Variants in KCNMA1 observed in about 807,000 individuals in gnomAD.
KCNMA1 encodes potassium calcium-activated channel subfamily M alpha 1.
In KCNMA1, 29 loss-of-function variants were observed where a neutral mutation model predicts 140.0. The observed-to-expected ratio is 0.21, with a 90% confidence interval of 0.15 to 0.28. The LOEUF (loss-of-function observed/expected upper bound fraction) is 0.28, where lower values mean the gene tolerates loss of function less well. Ranked by LOEUF, KCNMA1 falls within the 10% of genes least tolerant of loss-of-function variation. The pLI is 1.00. For synonymous variants in KCNMA1, 612 were observed against 611.9 expected (o/e 1.00, Z 0.00); for missense variants, 880 against 1,602.2 (o/e 0.55, Z 7.70).
chr10:77,627,059 G>A (rs1305879006), intron 1 of KCNMA1, among the ~76,000 whole-genome samples: 2 of 152,108 alleles, frequency 1.3e-5, no homozygotes, highest in East Asian at 3.9e-4. Context: ...CAGCAAAATA[G>A]GGGAGATGAC....
chr10:76,987,982 A>G (rs1304544369), intron 19 of KCNMA1, among the ~76,000 whole-genome samples: 1 of 152,214 alleles, frequency 6.6e-6, no homozygotes, highest in East Asian at 1.9e-4. Context: ...GTTGAAGGGC[A>G]ACAATGGCAG....
chr10:77,618,837 C>T (rs189142819), intron 1 of KCNMA1, among the ~76,000 whole-genome samples: 208 of 152,216 alleles, frequency 1.4e-3, no homozygotes, highest in Admixed American at 3.8e-3. Context: ...TCTAGAAATC[C>T]CGTTGTTAAT....
intron 1 of KCNMA1, among the ~76,000 whole-genome samples, chr10:77,597,417 C>T (rs1281293183): frequency 1.3e-5 from 2 of 152,070 alleles, no homozygotes; most frequent in Admixed American, 1.3e-4. Flanking sequence ...GTGATGGATA[C>T]CCCAAATTCC....
rs540392488 is a variant in KCNMA1, at chr10:77,133,213, G to GA, written c.809-12166dup. On this transcript the variant is annotated intron_variant, in intron 5 of 27. Transcript: ENST00000286628. ...AAAACTTCAGCCCATCCAATGAAAAGAAAAAAAAAATAAAAGGTATATTAA... is the reference window on the plus strand; with the variant it reads ...AAAACTTCAGCCCATCCAATGAAAAGAAAAAAAAAAATAAAAGGTATATTAA... Among the ~76,000 whole-genome samples the GA allele has an allele frequency of 7.9e-3, 1,108 of 139,824 alleles. 11 individuals carry two copies. Among genetic ancestry groups the GA allele is most frequent in the African/African-American group, 0.026 (1,012 of 38,256 alleles). 91.7% of individuals were successfully genotyped at this position (139,824 alleles called of 152,430 possible).
At chr10:77,244,811 A>AG (rs5786272) in intron 3 of KCNMA1, among the ~76,000 whole-genome samples, 132,368 of 152,174 alleles carry the variant, frequency 0.87, 57,913 homozygotes, top group East Asian at 0.98. Flanking sequence ...AAGGGAGACA[A>AG]GACTTCCCAT....
chr10:77,103,126 C>A (rs2097134318), intron 9 of KCNMA1, among the ~76,000 whole-genome samples: 1 of 152,198 alleles, frequency 6.6e-6, no homozygotes, highest in Non-Finnish European at 1.5e-5. Context: ...TCAATTATTT[C>A]TTCTAAAGTA....
chr10:77,117,008 AC>A (rs1471861142), intron 6 of KCNMA1, among the ~76,000 whole-genome samples: 1 of 152,118 alleles, frequency 6.6e-6, no homozygotes, highest in Non-Finnish European at 1.5e-5. Context: ...TTCTTTACAA[AC>A]TTTATCTTGG....
At position 77,050,183 on chromosome 10, in the gene KCNMA1, C is replaced by A. The variant is rs1044738532; in HGVS notation, c.1750-10546G>T. Reference sequence around the variant, plus strand: ...AAAGTAAAGTCAAACAACAATTCAACAGGAAGTAGACTGAGCCCAGGGAAG... The same window carrying A: ...AAAGTAAAGTCAAACAACAATTCAAAAGGAAGTAGACTGAGCCCAGGGAAG... On this transcript the variant is annotated intron_variant, in intron 14 of 27. Coordinates refer to ENST00000286628, the MANE Select transcript of KCNMA1 (RefSeq NM_001161352.2). Among the ~76,000 whole-genome samples the A allele has an allele frequency of 4.6e-5, 7 of 151,502 alleles. No individual in the cohort carries two copies. In the East Asian group the frequency reaches 1.2e-3, roughly 25 times the overall value.
intron 5 of KCNMA1, among the ~76,000 whole-genome samples, chr10:77,138,282 T>G (rs1177895082): frequency 6.6e-6 from 1 of 152,168 alleles, no homozygotes; most frequent in African/African-American, 2.4e-5. Context: ...TTGAATTTTT[T>G]AAGAGACAGT....
At chr10:77,459,362 C>T (rs952432596) in intron 1 of KCNMA1, among the ~76,000 whole-genome samples, 4 of 152,226 alleles carry the variant, frequency 2.6e-5, no homozygotes, top group African/African-American at 7.2e-5. Flanking sequence ...CAGAGAGAGA[C>T]ACAATCCAGG....
intron 2 of KCNMA1, among the ~76,000 whole-genome samples, chr10:77,354,205 C>T (rs1322991039): frequency 6.6e-6 from 1 of 152,120 alleles, no homozygotes; most frequent in Non-Finnish European, 1.5e-5. Flanking sequence ...CATGATGGCA[C>T]GATGGTCTCG....
At chr10:77,051,623 G>T (rs760638881) in intron 14 of KCNMA1, among the ~76,000 whole-genome samples, 7 of 152,186 alleles carry the variant, frequency 4.6e-5, no homozygotes, top group Admixed American at 3.3e-4. Flanking sequence ...GAGGTATTTA[G>T]CTGGGCTTAG....
intron 3 of KCNMA1, among the ~76,000 whole-genome samples, chr10:77,224,067 C>G (rs186466097): frequency 6.6e-6 from 1 of 152,208 alleles, no homozygotes; most frequent in Non-Finnish European, 1.5e-5. Flanking sequence ...CCATTCTCAA[C>G]TGCTGCTTCT....
chr10:77,296,923 T>TG (rs2075318237), intron 2 of KCNMA1, among the ~76,000 whole-genome samples: 1 of 110,024 alleles, frequency 9.1e-6, no homozygotes, highest in Admixed American at 9.8e-5. Flanking sequence ...GGGGGGGCGG[T>TG]GGGGGAATGT....
intron 1 of KCNMA1, among the ~76,000 whole-genome samples, chr10:77,559,807 T>A (rs1206302449): frequency 6.6e-6 from 1 of 152,204 alleles, no homozygotes; most frequent in Non-Finnish European, 1.5e-5. Context: ...CACTGTTCTC[T>A]ATATTCCTGG....
chr10:76,945,253 G>A (rs1441549258), intron 22 of KCNMA1, among the ~76,000 whole-genome samples: 2 of 152,272 alleles, frequency 1.3e-5, no homozygotes, highest in Non-Finnish European at 2.9e-5. Flanking sequence ...TAACAAACGC[G>A]GGAGAGGAAT....
intron 2 of KCNMA1, among the ~76,000 whole-genome samples, chr10:77,334,410 A>T (rs2087945725): frequency 6.6e-6 from 1 of 152,234 alleles, no homozygotes; most frequent in African/African-American, 2.4e-5. Flanking sequence ...CTTGGTCTTA[A>T]AAATGTAACC....
At chr10:77,405,233 C>T (rs1466129063) in intron 1 of KCNMA1, among the ~76,000 whole-genome samples, 1 of 152,182 alleles carries the variant, frequency 6.6e-6, no homozygotes, top group Non-Finnish European at 1.5e-5. Context: ...TCCCTGGCCA[C>T]CTGTTTAAAT....
chr10:77,003,240 TC>T, intron 18 of KCNMA1, among the ~76,000 whole-genome samples: 1 of 152,274 alleles, frequency 6.6e-6, no homozygotes, highest in Admixed American at 6.5e-5. Context: ...AGTCTGTTGT[TC>T]AGATCATCAT....
Sources: gnomAD v4.1 joint callset for allele counts (sites outside exome capture counted in the v4.1 genomes callset) on GRCh38, gnomAD v4.1.1 for gene constraint, MANE v1.5 for transcripts, NCBI Gene and HGNC (gene_info 2026-07-23, HGNC 2026-07-21) for gene names.